The following MCUB variants were observed in gnomAD, a reference collection of about 807,000 sequenced individuals.
MCUB encodes the protein mitochondrial calcium uniporter dominant negative subunit beta, also known as calcium uniporter regulatory subunit MCUb, mitochondrial.
Under a neutral mutation model 41.4 loss-of-function variants are expected in MCUB, and 46 were observed. The observed-to-expected ratio is 1.11, with a 90% CI of 0.88 to 1.42. The LOEUF (loss-of-function observed/expected upper bound fraction) is 1.42. Among genes scored for constraint, MCUB ranks in the 40% most tolerant of loss-of-function variants. The pLI is 0.00. For synonymous variants in MCUB, 148 were observed against 148.2 expected, an observed-to-expected ratio of 1.00 and a Z score of 0.01; for missense variants, 403 against 404.9, an observed-to-expected ratio of 1.00 and a Z score of 0.04.
Position 109,685,248 on chromosome 4 carries a change from A to G in MCUB, c.817-3A>G. 1 of 1,012,526 alleles carries G rather than the reference A, an allele frequency of 9.9e-7. No homozygotes were observed. Among genetic ancestry groups the G allele is most frequent in the Non-Finnish European group, 1.5e-6 (1 of 684,104 alleles). 62.7% of individuals were successfully genotyped at this position (1,012,526 alleles called of 1,614,324 possible). A position where few individuals can be genotyped will look rare whatever the true frequency, so the allele number is the denominator to read the frequency against. On this transcript the variant is annotated splice_polypyrimidine_tract_variant and splice_region_variant and intron_variant, in intron 6 of 7. Transcript: ENST00000394650. Reference sequence around the variant, plus strand: ...TTTTCTTCTCTCTCTCTTTTTTTTTAAGGATTATACTTACTCAGCTGTTAA... The same window carrying G: ...TTTTCTTCTCTCTCTCTTTTTTTTTGAGGATTATACTTACTCAGCTGTTAA...
intron 1 of MCUB, among the ~76,000 whole-genome samples, chr4:109,568,454 C>T (rs1479284320): frequency 6.6e-6 from 1 of 152,118 alleles, no homozygotes; most frequent in Non-Finnish European, 1.5e-5. Flanking sequence ...CTTCTTGTGG[C>T]TTGTCATGTA....
At chr4:109,593,514 G>A (rs142890418) in intron 1 of MCUB, among the ~76,000 whole-genome samples, 171 of 152,290 alleles carry the variant, frequency 1.1e-3, no homozygotes, top group African/African-American at 3.9e-3. Context: ...TCTGAAAAGT[G>A]TGTCCATTCC....
In MCUB at chr4:109,684,589, C is replaced by A; in HGVS notation, c.759C>A (p.Tyr253Ter). ...YSWDIMEPVT[Y>*]FITFANSMVF... ...GGGATATCATGGAGCCAGTTACATACTTCATCACATTTGCAAATTCTATGG... is the reference window on the plus strand; with the variant it reads ...GGGATATCATGGAGCCAGTTACATAATTCATCACATTTGCAAATTCTATGG... The change falls in exon 6 of 8, where the codon TAC (tyrosine) becomes TAA (stop). Residue 253 changes from tyrosine to a stop codon, truncating the protein, a stop_gained. Transcript: ENST00000394650. LOFTEE classifies it high-confidence loss of function. 6.2e-7 allele frequency: 1 copy of A among 1,600,702 alleles called. No homozygotes were observed. The highest frequency in any genetic ancestry group is 8.6e-7 in the Non-Finnish European group (1 of 1,167,910).
At position 109,615,699 on chromosome 4, in the gene MCUB, G is replaced by A. The variant is rs572662082; in HGVS notation, c.100-43312G>A. Among the ~76,000 whole-genome samples the A allele has an allele frequency of 7.9e-4, 121 of 152,224 alleles. 1 individual carries two copies. Among genetic ancestry groups the A allele is most frequent in the African/African-American group, 1.6e-3 (67 of 41,566 alleles). Reference sequence around the variant, plus strand: ...GCTGGGATTACAGGCATGAGCCACCGCGCCCGGCATAGATGTGAATTTATT... The same window carrying A: ...GCTGGGATTACAGGCATGAGCCACCACGCCCGGCATAGATGTGAATTTATT... On this transcript the variant is annotated intron_variant, in intron 1 of 7. Coordinates refer to ENST00000394650, the MANE Select transcript of MCUB (RefSeq NM_017918.5).
intron 1 of MCUB, chr4:109,648,696 T>TG (rs1049868960): frequency 1.3e-5 from 3 of 229,196 alleles, no homozygotes; most frequent in African/African-American, 1.1e-4. Flanking sequence ...GCAGTTTGAT[T>TG]TTTTTTTTTT....
At chr4:109,669,420 C>T (rs1180300502) in intron 4 of MCUB, among the ~76,000 whole-genome samples, 2 of 151,974 alleles carry the variant, frequency 1.3e-5, no homozygotes, top group African/African-American at 4.8e-5. Context: ...AGGGTTCCCC[C>T]CTTCCCTGGC....
intron 1 of MCUB, among the ~76,000 whole-genome samples, chr4:109,606,241 C>T (rs1475472580): frequency 6.6e-6 from 1 of 152,130 alleles, no homozygotes; most frequent in Non-Finnish European, 1.5e-5. Flanking sequence ...CCCAAAAGTG[C>T]TGGGATTACA....
At chr4:109,597,092 C>A (rs1386223265) in intron 1 of MCUB, among the ~76,000 whole-genome samples, 1 of 151,654 alleles carries the variant, frequency 6.6e-6, no homozygotes, top group Non-Finnish European at 1.5e-5. Context: ...AAGAATTTTT[C>A]TTAGTACAGA....
At chr4:109,560,483 A>G in intron 1 of MCUB, 47 bp downstream of exon 1, 3 of 935,426 alleles carry the variant, frequency 3.2e-6, no homozygotes, top group Non-Finnish European at 2.8e-6. Context: ...GGCTGGTGCA[A>G]AGTTTGCGTT....
At chr4:109,667,327 A>G (rs1161478006) in intron 4 of MCUB, among the ~76,000 whole-genome samples, 1 of 152,082 alleles carries the variant, frequency 6.6e-6, no homozygotes, top group African/African-American at 2.4e-5. Flanking sequence ...TGTACCTTTT[A>G]GAGAATTAAT....
intron 1 of MCUB, among the ~76,000 whole-genome samples, chr4:109,590,397 A>G (rs1432142001): frequency 2.0e-5 from 3 of 152,164 alleles, no homozygotes; most frequent in African/African-American, 7.2e-5. Context: ...ATCCAATGCC[A>G]TTTCCGTGTG....
intron 1 of MCUB, among the ~76,000 whole-genome samples, chr4:109,603,209 C>A (rs1049402177): frequency 6.6e-6 from 1 of 152,198 alleles, no homozygotes; most frequent in African/African-American, 2.4e-5. Flanking sequence ...GATTCTCCTG[C>A]CTCAGCCTGC....
rs747313875 is a variant in MCUB at position 109,685,374 on chromosome 4, T to A, written c.933+7T>A. 5 of 1,166,264 alleles carry A rather than the reference T, an allele frequency of 4.3e-6. No individual in the cohort carries two copies. The East Asian group carries it at 7.0e-5, about 16-fold the overall frequency. The allele number at this position is 1,166,264 out of a possible 1,614,324, so 72.2% of individuals were successfully genotyped here. A position where few individuals can be genotyped will look rare whatever the true frequency, so the allele number is the denominator to read the frequency against. On this transcript the variant is annotated splice_region_variant and intron_variant, in intron 7 of 7. Coordinates refer to ENST00000394650, the MANE Select transcript of MCUB (RefSeq NM_017918.5). ...AAAAGAAGACCTTGCTAAGGTATAC[T>A]ACAAATACATCTTATAGCTGGTTTG...
At chr4:109,606,807 C>T (rs1473821303) in intron 1 of MCUB, among the ~76,000 whole-genome samples, 5 of 152,110 alleles carry the variant, frequency 3.3e-5, no homozygotes, top group African/African-American at 4.8e-5. Context: ...AGTGCGATGG[C>T]GCGATCTCGG....
At chr4:109,661,373 T>C (rs1298970053) in intron 3 of MCUB, among the ~76,000 whole-genome samples, 1 of 152,196 alleles carries the variant, frequency 6.6e-6, no homozygotes, top group African/African-American at 2.4e-5. Context: ...TGTTGCAGTT[T>C]TGAAAGGGAA....
chr4:109,672,809 T>A (rs533848275), intron 4 of MCUB, among the ~76,000 whole-genome samples: 1 of 152,344 alleles, frequency 6.6e-6, no homozygotes, highest in Admixed American at 6.5e-5. Flanking sequence ...CAGTGACTCC[T>A]GTGTCTTTGT....
At chr4:109,594,360 G>A (rs1433125024) in intron 1 of MCUB, among the ~76,000 whole-genome samples, 2 of 152,236 alleles carry the variant, frequency 1.3e-5, no homozygotes, top group Non-Finnish European at 2.9e-5. Context: ...CTAGTGGCCT[G>A]CTAGCCTCAG....
intron 1 of MCUB, among the ~76,000 whole-genome samples, chr4:109,638,435 C>G (rs961521292): frequency 4.6e-4 from 68 of 148,024 alleles, no homozygotes; most frequent in Admixed American, 3.5e-3. Context: ...AAAAACCATA[C>G]ATTAAGATAC....
In MCUB at chr4:109,687,675, T is replaced by C. The variant is rs1320845374; in HGVS notation, c.*83T>C. 2.5e-6 allele frequency: 2 copies of C among 807,798 alleles called. No homozygotes were observed. Among genetic ancestry groups the C allele is most frequent in the African/African-American group, 1.7e-5 (1 of 57,706 alleles). The allele number at this position is 807,798 out of a possible 1,614,324, so 50.0% of individuals were successfully genotyped here. ...ATGTTTTTGAGTCCCATGGTTCATTTTGATTGTTTAATCTTTGTTATTAAA... is the reference window on the plus strand; with the variant it reads ...ATGTTTTTGAGTCCCATGGTTCATTCTGATTGTTTAATCTTTGTTATTAAA... On this transcript the variant is annotated 3_prime_UTR_variant, in exon 8 of 8. Coordinates refer to ENST00000394650, the MANE Select transcript of MCUB (RefSeq NM_017918.5).
Sources: allele counts gnomAD v4.1 joint callset (sites outside exome capture counted in the v4.1 genomes callset), GRCh38; gene constraint gnomAD v4.1.1; transcripts MANE v1.5; gene names NCBI Gene and HGNC (gene_info 2026-07-23, HGNC 2026-07-21).